TSR1: variants seen among roughly 807,000 people sequenced by gnomAD.
TSR1 encodes the protein TSR1 ribosome maturation factor.
Under a neutral mutation model 90.9 loss-of-function variants are expected in TSR1, and 81 were observed. The observed-to-expected ratio is 0.89, with a 90% CI of 0.74 to 1.07. TSR1 has a LOEUF of 1.07. Ranked by LOEUF, TSR1 falls within the 50% of genes least tolerant of loss-of-function variation. The probability of loss-of-function intolerance (pLI) is 0.00; values close to 1 mark genes in which losing one functional copy is unlikely to be tolerated. For synonymous variants in TSR1, 362 were observed against 348.8 expected (o/e 1.04, Z -0.42); for missense variants, 989 against 987.3 (o/e 1.00, Z -0.02).
intron 4 of TSR1, 54 bp downstream of exon 4, chr17:2,335,206 C>G: frequency 6.4e-7 from 1 of 1,550,634 alleles, no homozygotes; most frequent in Admixed American, 1.8e-5. Context: ...GTATCAAATA[C>G]CAGGCATAGT....
chr17:2,335,806 G>T, intron 2 of TSR1, 76 bp from the exon 3 acceptor site: 7 of 1,493,406 alleles, frequency 4.7e-6, no homozygotes, highest in Non-Finnish European at 5.4e-6. Context: ...CACTCCCACA[G>T]ATGCTCCCCC....
intron 8 of TSR1, 114 bp downstream of exon 8, chr17:2,332,055 A>G: frequency 8.5e-7 from 1 of 1,178,524 alleles, no homozygotes. Context: ...TTAGCTCTTC[A>G]GGAGCAGAAA....
chr17:2,330,821 A>C, intron 9 of TSR1, 126 bp downstream of exon 9: 1 of 1,120,828 alleles, frequency 8.9e-7, no homozygotes, highest in Non-Finnish European at 1.3e-6. Flanking sequence ...GTATCATTCT[A>C]ATCAATGACT....
Position 2,322,986 on chromosome 17 carries a change from A to T in TSR1, c.*1210T>A. On this transcript the variant is annotated 3_prime_UTR_variant, in exon 15 of 15. Transcript: ENST00000301364. Reference sequence around the variant, plus strand: ...CACCAGGTTGGCCAGGCTGGTCTTGAACTCCTGACCTCAGCTGATCCACCC... The same window carrying T: ...CACCAGGTTGGCCAGGCTGGTCTTGTACTCCTGACCTCAGCTGATCCACCC... 1 of 711,206 alleles carries T rather than the reference A, an allele frequency of 1.4e-6. No individual in the cohort carries two copies. Among genetic ancestry groups the T allele is most frequent in the South Asian group, 1.8e-5 (1 of 54,656 alleles). The allele number at this position is 711,206 out of a possible 1,614,324, so 44.1% of individuals were successfully genotyped here. A position where few individuals can be genotyped will look rare whatever the true frequency, so the allele number is the denominator to read the frequency against.
chr17:2,334,483 T>C lies in TSR1; in HGVS notation c.970A>G (p.Met324Val). ...AATATCAGTCTTACCTCCATTGCCA[T>C]GTCTGGGTCCTTTTGGGGTTTAATT... ...RGIKPQKDPD[M>V]AMEICATDAV... Residue 324 changes from methionine to valine, a missense_variant, in exon 5 of 15, where the codon ATG (methionine) becomes GTG (valine). Physicochemically the swap from Met to Val is conservative, Grantham distance 21. Coordinates refer to ENST00000301364, the MANE Select transcript of TSR1 (RefSeq NM_018128.5). 1 of 1,612,928 alleles carries C rather than the reference T, an allele frequency of 6.2e-7. No individual in the cohort carries two copies. The highest frequency in any genetic ancestry group is 8.5e-7 in the Non-Finnish European group (1 of 1,179,100).
intron 6 of TSR1, chr17:2,333,331 G>T: frequency 1.2e-6 from 1 of 845,904 alleles, no homozygotes; most frequent in Non-Finnish European, 1.9e-6. Context: ...TGAATCCAAA[G>T]TTGTTTATCT....
intron 8 of TSR1, 29 bp downstream of exon 8, chr17:2,332,140 T>A: frequency 6.3e-7 from 1 of 1,596,832 alleles, no homozygotes; most frequent in Non-Finnish European, 8.5e-7. Flanking sequence ...TGACTGAATT[T>A]AGATTTGTTG....
rs200666955 is a variant in TSR1, at chr17:2,332,192, G to C, written c.1473C>G (p.Pro491=). 3.1e-6 allele frequency: 5 copies of C among 1,613,122 alleles called. No individual in the cohort carries two copies. In the African/African-American group the frequency reaches 5.3e-5, roughly 17 times the overall value. Reference sequence around the variant, plus strand: ...ACCGAATTCGAGCAGCCACATCACGGGGCGTGTCCACTTCATCTGGAAACA... The same window carrying C: ...ACCGAATTCGAGCAGCCACATCACGCGGCGTGTCCACTTCATCTGGAAACA... ...EEMFPDEVDT[P]RDVAARIRFQ... Residue 491 remains proline (P), a synonymous_variant, in exon 8 of 15, where the codon CCC becomes CCG. Coordinates refer to ENST00000301364, the MANE Select transcript of TSR1 (RefSeq NM_018128.5).
At position 2,334,541 on chromosome 17, in the gene TSR1, G is replaced by A. The variant is rs1210336677; in HGVS notation, c.912C>T (p.Ala304=). 1.9e-6 allele frequency: 3 copies of A among 1,613,972 alleles called. No homozygotes were observed. Among genetic ancestry groups the A allele is most frequent in the Admixed American group, 3.3e-5 (2 of 59,984 alleles). ...YGDFQMKQID[A]PGDPFPLNPR... is the part of the protein sequence containing the mutation. ...GATTTAAAGGGAAAGGGTCTCCGGG[G>A]GCATCTATCTGTTTCATCTGGAAAT... is the stretch of plus-strand genomic sequence containing the variant. Residue 304 remains alanine (A), a synonymous_variant, in exon 5 of 15, where the codon GCC becomes GCT. Transcript: ENST00000301364.
chr17:2,334,844 G>C lies in TSR1; in HGVS notation c.609C>G (p.Thr203=). 1 of 1,614,000 alleles carries C rather than the reference G, an allele frequency of 6.2e-7. No individual in the cohort carries two copies. The highest frequency in any genetic ancestry group is 1.7e-5 in the Admixed American group (1 of 60,020). The change falls in exon 5 of 15, where the codon ACC becomes ACG. Residue 203 remains threonine, a synonymous_variant. Coordinates refer to ENST00000301364, the MANE Select transcript of TSR1 (RefSeq NM_018128.5). The part of the protein sequence containing the change: ...SGLPLKKQID[T]RKKLSKAVEK... ...CCACTGCTTTACTTAGCTTCTTCCTGGTATCTATTTGTTTCTTCAGTGGGA... is the reference window on the plus strand; with the variant it reads ...CCACTGCTTTACTTAGCTTCTTCCTCGTATCTATTTGTTTCTTCAGTGGGA...
At chr17:2,335,975 C>A (rs1467082751) in intron 2 of TSR1, 62 bp downstream of exon 2, 1 of 1,547,012 alleles carries the variant, frequency 6.5e-7, no homozygotes, top group East Asian at 2.2e-5. Flanking sequence ...TTTTCCACTT[C>A]GAGGCATTAG....
Position 2,325,377 on chromosome 17 carries a change from G to T in TSR1, c.1947C>A (p.Ala649=). The change falls in exon 12 of 15, where the codon GCC becomes GCA. Residue 649 remains alanine, a synonymous_variant. Coordinates refer to ENST00000301364, the MANE Select transcript of TSR1 (RefSeq NM_018128.5). ...TTGGCGCATAGACTGTCGCCACCAG[G>T]GCCATGTCAGCAGTCAGGAATCTCT... ...KLQRFLTADM[A]LVATVYAPIT... 6.2e-7 allele frequency: 1 copy of T among 1,613,292 alleles called. No homozygotes were observed. The highest frequency in any genetic ancestry group is 8.5e-7 in the Non-Finnish European group (1 of 1,179,824).
At chr17:2,329,808 T>TC (rs1269517285) in intron 10 of TSR1, among the ~76,000 whole-genome samples, 1 of 151,984 alleles carries the variant, frequency 6.6e-6, no homozygotes, top group African/African-American at 2.4e-5. Context: ...CCACACTCAT[T>TC]CAAGCCCCTT....
At chr17:2,335,041 C>T in intron 4 of TSR1, 145 bp from the exon 5 acceptor site, 2 of 1,089,578 alleles carry the variant, frequency 1.8e-6, no homozygotes, top group South Asian at 3.2e-5. Context: ...AGGAATTTCA[C>T]AGTGAAATCA....
intron 5 of TSR1, 80 bp from the exon 6 acceptor site, chr17:2,333,796 A>T: frequency 6.4e-7 from 1 of 1,559,980 alleles, no homozygotes; most frequent in Non-Finnish European, 8.8e-7. Context: ...AAGACCCAGA[A>T]ATATCAGTCC....
chr17:2,328,991 A>G (rs1246131549), intron 11 of TSR1: 1 of 312,038 alleles, frequency 3.2e-6, no homozygotes, highest in African/African-American at 2.2e-5. Flanking sequence ...TTGGTCTTCA[A>G]TTCCCCGTTC....
intron 10 of TSR1, chr17:2,330,185 T>C: frequency 1.3e-5 from 6 of 469,358 alleles, no homozygotes; most frequent in Non-Finnish European, 2.6e-5. Context: ...TCCCAAAAAG[T>C]GCTGGGATTA....
At chr17:2,333,242 CTG>C in intron 6 of TSR1, 118 bp from the exon 7 acceptor site, 1 of 1,211,352 alleles carries the variant, frequency 8.3e-7, no homozygotes, top group African/African-American at 1.5e-5. Context: ...CTGGCAGACA[CTG>C]TAAATAGAAC....
In TSR1 at chr17:2,335,551, G is replaced by C. The variant is rs2064054625; in HGVS notation, c.381C>G (p.Pro127=). ...TGAAAAACCACCGATGTTTCAAGCG[G>C]GGGCACAGCAGCATAAAGTTCTGGG... ...GNTQNFMLLC[P]RLKHRWFFTS... Residue 127 remains proline, a synonymous_variant, in exon 3 of 15, where the codon CCC becomes CCG. Coordinates refer to ENST00000301364, the MANE Select transcript of TSR1 (RefSeq NM_018128.5). 2 of 1,614,124 alleles carry C rather than the reference G, an allele frequency of 1.2e-6. No homozygotes were observed. The highest frequency in any genetic ancestry group is 1.7e-6 in the Non-Finnish European group (2 of 1,180,046).
Sources: gnomAD v4.1 joint callset for allele counts (sites outside exome capture counted in the v4.1 genomes callset) on GRCh38, gnomAD v4.1.1 for gene constraint, MANE v1.5 for transcripts, NCBI Gene and HGNC (gene_info 2026-07-23, HGNC 2026-07-21) for gene names.